ZC3H12B: variants seen among roughly 807,000 people sequenced by gnomAD.
The protein encoded by ZC3H12B is zinc finger CCCH-type containing 12B.
ZC3H12B carries 7 observed loss-of-function variants against 43.9 expected under a neutral mutation model. The ratio of observed to expected loss-of-function variants is 0.16; its 90% CI spans 0.09 to 0.30. The LOEUF (loss-of-function observed/expected upper bound fraction) is 0.30, where lower values mean the gene tolerates loss of function less well. Ranked by LOEUF, ZC3H12B falls within the 10% of genes least tolerant of loss-of-function variation. ZC3H12B has a pLI of 1.00. For synonymous variants in ZC3H12B, 222 were observed against 241.7 expected (o/e 0.92, Z 0.76); for missense variants, 475 against 670.2 (o/e 0.71, Z 3.22).
chrX:65,209,458 G>T, the ZC3H12B span, among the ~76,000 whole-genome samples: 1 of 90,737 alleles, frequency 1.1e-5, no homozygotes, highest in African/African-American at 4.1e-5. Flanking sequence ...TTCAGGAGCA[G>T]GTTGTTCAGT....
intron 3 of ZC3H12B, among the ~76,000 whole-genome samples, chrX:65,399,013 A>G (rs1436526792): frequency 2.7e-5 from 3 of 112,374 alleles, no homozygotes; most frequent in Non-Finnish European, 5.6e-5. Context: ...CTCACCATAT[A>G]CAAAAGTCAA....
the ZC3H12B span, among the ~76,000 whole-genome samples, chrX:65,317,791 T>TAC: frequency 9.7e-6 from 1 of 103,246 alleles, no homozygotes; most frequent in East Asian, 3.0e-4. Flanking sequence ...TATATAAATA[T>TAC]ACACACACAC....
intron 3 of ZC3H12B, among the ~76,000 whole-genome samples, chrX:65,422,797 T>C (rs777705053): frequency 9.0e-6 from 1 of 111,124 alleles, no homozygotes; most frequent in South Asian, 3.8e-4. Flanking sequence ...TGGTTTTCTG[T>C]TCCTGTGTTA....
the ZC3H12B span, among the ~76,000 whole-genome samples, chrX:65,214,697 A>T: frequency 9.0e-6 from 1 of 111,349 alleles, no homozygotes; most frequent in African/African-American, 3.3e-5. Context: ...ATCTCTGTTA[A>T]TGTTGTCATT....
the ZC3H12B span, among the ~76,000 whole-genome samples, chrX:65,289,845 T>C: frequency 9.0e-6 from 1 of 110,596 alleles, no homozygotes; most frequent in African/African-American, 3.3e-5. Context: ...CCAAAATGTT[T>C]AAGTTTAAAC....
At chrX:65,410,668 T>C (rs761998415) in intron 3 of ZC3H12B, among the ~76,000 whole-genome samples, 1 of 111,798 alleles carries the variant, frequency 8.9e-6, no homozygotes, top group East Asian at 2.8e-4. Context: ...TTGAATAATT[T>C]CTCAAAGTAC....
chrX:65,050,712 A>G, the ZC3H12B span, among the ~76,000 whole-genome samples: 1 of 111,551 alleles, frequency 9.0e-6, no homozygotes, highest in African/African-American at 3.2e-5. Flanking sequence ...TCTTAATGTG[A>G]TGTATCATAT....
chrX:65,503,265 CTAATACAA>C, exon 5 of ZC3H12B: 1 of 921,428 alleles, frequency 1.1e-6, no homozygotes, highest in African/African-American at 2.0e-5. Flanking sequence ...TAATAATACA[CTAATACAA>C]TAATTATAGT....
the ZC3H12B span, among the ~76,000 whole-genome samples, chrX:65,163,586 A>G: frequency 2.7e-5 from 3 of 111,540 alleles, no homozygotes; most frequent in East Asian, 2.8e-4. Flanking sequence ...TGTGCGGGAT[A>G]TAATCTCCTG....
the ZC3H12B span, among the ~76,000 whole-genome samples, chrX:65,178,109 C>T: frequency 8.9e-6 from 1 of 111,861 alleles, no homozygotes; most frequent in East Asian, 2.8e-4. Flanking sequence ...AATAATGCCA[C>T]ACATCTACAA....
At chrX:65,074,930 A>G in the ZC3H12B span, among the ~76,000 whole-genome samples, 1 of 112,172 alleles carries the variant, frequency 8.9e-6, no homozygotes, top group East Asian at 2.8e-4. Context: ...TAATTCATAT[A>G]TCTCCTTTAG....
intron 3 of ZC3H12B, among the ~76,000 whole-genome samples, chrX:65,439,745 C>T (rs1349442711): frequency 8.9e-6 from 1 of 111,842 alleles, no homozygotes; most frequent in Non-Finnish European, 1.9e-5. Context: ...GGTTGTCCCG[C>T]TTTCCTCAGG....
chrX:65,416,746 G>A (rs1421908047), intron 3 of ZC3H12B, among the ~76,000 whole-genome samples: 6 of 106,845 alleles, frequency 5.6e-5, no homozygotes, highest in Admixed American at 1.0e-4. Context: ...CCGAGATCCC[G>A]CCACTGCACT....
chrX:65,339,241 G>T, the ZC3H12B span, among the ~76,000 whole-genome samples: 3 of 111,282 alleles, frequency 2.7e-5, no homozygotes, highest in African/African-American at 9.8e-5. Context: ...ATAGAGAATG[G>T]ACAGAGGGAA....
At chrX:65,213,281 A>G in the ZC3H12B span, among the ~76,000 whole-genome samples, 1,212 of 110,348 alleles carry the variant, frequency 0.011, 6 homozygotes, top group Non-Finnish European at 0.017. Flanking sequence ...TATCTACCAC[A>G]TTTTATTTAT....
the ZC3H12B span, among the ~76,000 whole-genome samples, chrX:65,159,710 A>G: frequency 8.9e-6 from 1 of 111,972 alleles, no homozygotes; most frequent in East Asian, 2.8e-4. Flanking sequence ...ATCTGCAAAA[A>G]GGGACAATTT....
chrX:65,090,814 G>C, the ZC3H12B span, among the ~76,000 whole-genome samples: 5 of 111,770 alleles, frequency 4.5e-5, no homozygotes, highest in Admixed American at 1.9e-4. Flanking sequence ...CCTGGTGGAA[G>C]TGATTGGATC....
chrX:65,329,829 T>A, the ZC3H12B span, among the ~76,000 whole-genome samples: 4 of 111,557 alleles, frequency 3.6e-5, no homozygotes, highest in Non-Finnish European at 7.5e-5. Flanking sequence ...TGCTTGTTTT[T>A]GTCAGGTTTG....
chrX:65,316,872 A>AC, the ZC3H12B span, among the ~76,000 whole-genome samples: 1 of 111,649 alleles, frequency 9.0e-6, no homozygotes, highest in South Asian at 3.7e-4. Context: ...AAGAATCAAG[A>AC]CCCAAGGTTA....
Sources: gnomAD v4.1 joint callset for allele counts (sites outside exome capture counted in the v4.1 genomes callset) on GRCh38, gnomAD v4.1.1 for gene constraint, MANE v1.5 for transcripts, NCBI Gene and HGNC (gene_info 2026-07-23, HGNC 2026-07-21) for gene names.